KIF6: variants seen among roughly 807,000 people sequenced by gnomAD.
The protein encoded by KIF6 is kinesin-like protein KIF6.
A neutral mutation model predicts 112.7 loss-of-function variants in KIF6; 106 were observed. That is an observed-to-expected ratio of 0.94 (90% CI 0.80 to 1.11). The LOEUF (loss-of-function observed/expected upper bound fraction) is 1.11, where lower values mean the gene tolerates loss of function less well. Ranked by LOEUF, KIF6 falls within the 50% of genes least tolerant of loss-of-function variation. KIF6 has a pLI of 0.00. For missense variants in KIF6, 929 were observed against 964.0 expected (o/e 0.96, Z 0.48); for synonymous variants, 339 against 339.9 (o/e 1.00, Z 0.03).
chr6:39,346,049 G>GCTCTCTCGCTCTCTCTCTCTCTCT (rs1763695361), intron 20 of KIF6, among the ~76,000 whole-genome samples: 1 of 29,006 alleles, frequency 3.4e-5, no homozygotes, highest in East Asian at 1.3e-3. Flanking sequence ...AAACTACAGT[G>GCTCTCTCGCTCTCTCTCTCTCTCT]CTCTCTCTCT....
intron 22 of KIF6, among the ~76,000 whole-genome samples, chr6:39,340,773 G>C (rs1026701197): frequency 5.9e-5 from 9 of 152,112 alleles, no homozygotes; most frequent in Admixed American, 5.9e-4. Context: ...CGCCTCTTCT[G>C]TTTGGAGAGA....
intron 10 of KIF6, among the ~76,000 whole-genome samples, chr6:39,551,926 A>G (rs948994645): frequency 3.9e-5 from 6 of 152,218 alleles, no homozygotes; most frequent in Admixed American, 6.5e-5. Flanking sequence ...CGCCTGGCCT[A>G]TTAAGGCTTT....
At chr6:39,434,412 A>C (rs1771379446) in intron 13 of KIF6, among the ~76,000 whole-genome samples, 2 of 151,860 alleles carry the variant, frequency 1.3e-5, no homozygotes, top group South Asian at 4.2e-4. Flanking sequence ...AAATACAAAA[A>C]AAAAAAAAAT....
chr6:39,481,936 C>A (rs1168058873), intron 13 of KIF6, among the ~76,000 whole-genome samples: 2 of 151,920 alleles, frequency 1.3e-5, no homozygotes, highest in Admixed American at 1.3e-4. Flanking sequence ...ACTGTCAGTA[C>A]TCTGTGCTTA....
rs569063302 is a variant in KIF6, at chr6:39,639,010, T to A, written c.399+600A>T. Among the ~76,000 whole-genome samples the A allele has an allele frequency of 3.3e-5, 5 of 152,178 alleles. No homozygotes were observed. The East Asian group carries it at 9.7e-4, about 29-fold the overall frequency. ...AGGATGTGGGCCCAGAGGAAAATAT[T>A]TAACCTGAGGCTCAGTATTCCCAAC... On this transcript the variant is annotated intron_variant, in intron 4 of 22. Coordinates refer to ENST00000287152, the MANE Select transcript of KIF6 (RefSeq NM_145027.6).
At chr6:39,723,350 T>C (rs1790335539) in intron 1 of KIF6, among the ~76,000 whole-genome samples, 1 of 152,158 alleles carries the variant, frequency 6.6e-6, no homozygotes, top group African/African-American at 2.4e-5. Context: ...TACTCACAAA[T>C]ATGATCCAAA....
At chr6:39,492,731 G>A (rs1451970009) in intron 13 of KIF6, among the ~76,000 whole-genome samples, 1 of 152,160 alleles carries the variant, frequency 6.6e-6, no homozygotes, top group Non-Finnish European at 1.5e-5. Context: ...CATGTGTGGG[G>A]TGGTAACTTA....
In KIF6 at chr6:39,658,803, G is replaced by A. The variant is rs12199473; in HGVS notation, c.252-19046C>T. Reference sequence around the variant, plus strand: ...CTCAATAATGAAGGTCTTCACACAGGGGGCAGTTAGCCAACATGGTGTGTG... The same window carrying A: ...CTCAATAATGAAGGTCTTCACACAGAGGGCAGTTAGCCAACATGGTGTGTG... On this transcript the variant is annotated intron_variant, in intron 3 of 22. Coordinates refer to ENST00000287152, the MANE Select transcript of KIF6 (RefSeq NM_145027.6). 7.5e-3 allele frequency among the ~76,000 whole-genome samples: 1,145 copies of A among 152,278 alleles called. 11 individuals carry two copies. Among genetic ancestry groups the A allele is most frequent in the Non-Finnish European group, 0.01 (695 of 68,018 alleles).
chr6:39,495,022 A>G (rs913352651), intron 13 of KIF6, among the ~76,000 whole-genome samples: 1 of 152,160 alleles, frequency 6.6e-6, no homozygotes, highest in Admixed American at 6.5e-5. Context: ...AGGTGGAAAA[A>G]ATCTGTATCC....
intron 7 of KIF6, among the ~76,000 whole-genome samples, chr6:39,593,545 C>A (rs1782067675): frequency 6.6e-6 from 1 of 152,104 alleles, no homozygotes; most frequent in Admixed American, 6.5e-5. Flanking sequence ...TATGTTGAAC[C>A]TTCTATTTTC....
chr6:39,367,326 G>A (rs1765636781), intron 16 of KIF6, among the ~76,000 whole-genome samples: 1 of 152,118 alleles, frequency 6.6e-6, no homozygotes, highest in African/African-American at 2.4e-5. Context: ...GGGGACTCTG[G>A]CCAGGGACAG....
rs546183955 is a variant in KIF6, at chr6:39,359,931, A to T, written c.2082+464T>A. 1.6e-4 allele frequency among the ~76,000 whole-genome samples: 25 copies of T among 152,352 alleles called. No individual in the cohort carries two copies. The East Asian group carries it at 4.8e-3, about 29-fold the overall frequency. On this transcript the variant is annotated intron_variant, in intron 18 of 22. Coordinates refer to ENST00000287152, the MANE Select transcript of KIF6 (RefSeq NM_145027.6). The stretch of plus-strand genomic sequence containing the variant: ...AAACATATGGATATATATGCATAGA[A>T]ATCAAGGTAAAAGAATATAATCAAA...
At chr6:39,628,234 G>T (rs1248052875) in intron 5 of KIF6, among the ~76,000 whole-genome samples, 1 of 151,618 alleles carries the variant, frequency 6.6e-6, no homozygotes, top group Non-Finnish European at 1.5e-5. Flanking sequence ...AGTTTTGCTT[G>T]TACTCATTTA....
chr6:39,428,128 C>T (rs1770896337), intron 14 of KIF6, among the ~76,000 whole-genome samples: 1 of 152,188 alleles, frequency 6.6e-6, no homozygotes, highest in Non-Finnish European at 1.5e-5. Context: ...AACCTACATG[C>T]TACTGGAATC....
At chr6:39,622,350 T>C (rs906818124) in intron 5 of KIF6, among the ~76,000 whole-genome samples, 9 of 150,674 alleles carry the variant, frequency 6.0e-5, no homozygotes, top group Non-Finnish European at 8.8e-5. Context: ...AACTTTGATG[T>C]ATTAGAAATT....
chr6:39,417,014 C>T (rs891512158), intron 15 of KIF6, among the ~76,000 whole-genome samples: 1 of 152,162 alleles, frequency 6.6e-6, no homozygotes. Context: ...TGCCTCCTGC[C>T]TCCTAGATTC....
intron 7 of KIF6, among the ~76,000 whole-genome samples, chr6:39,589,993 T>C (rs971719982): frequency 6.6e-6 from 1 of 152,204 alleles, no homozygotes; most frequent in Non-Finnish European, 1.5e-5. Context: ...GAAGATTACT[T>C]AGTATGTCCT....
In KIF6 at chr6:39,618,553, C is replaced by G; in HGVS notation, c.510-5235G>C. On this transcript the variant is annotated intron_variant, in intron 5 of 22. Transcript: ENST00000287152. The stretch of plus-strand genomic sequence containing the variant: ...AACAGAGATCATAAGACTCACAGAA[C>G]AAACTTTTTGTGGCAATAAGACACC... 1.3e-5 allele frequency among the ~76,000 whole-genome samples: 2 copies of G among 152,168 alleles called. 1 individual carries two copies. The highest frequency in any genetic ancestry group is 1.3e-4 in the Admixed American group (2 of 15,254).
intron 13 of KIF6, among the ~76,000 whole-genome samples, chr6:39,448,199 A>G (rs1323189562): frequency 2.0e-5 from 3 of 152,028 alleles, no homozygotes; most frequent in Non-Finnish European, 4.4e-5. Context: ...TTTGAGATGA[A>G]GTCTTGCTCT....
Sources: allele counts gnomAD v4.1 joint callset (sites outside exome capture counted in the v4.1 genomes callset), GRCh38; gene constraint gnomAD v4.1.1; transcripts MANE v1.5; gene names NCBI Gene and HGNC (gene_info 2026-07-23, HGNC 2026-07-21).